The following PTPRU variants were observed in gnomAD, a reference collection of about 807,000 sequenced individuals.
PTPRU encodes the protein receptor-type tyrosine-protein phosphatase U.
A neutral mutation model predicts 166.3 loss-of-function variants in PTPRU; 69 were observed. The ratio of observed to expected loss-of-function variants is 0.41; its 90% confidence interval spans 0.34 to 0.51. The LOEUF (loss-of-function observed/expected upper bound fraction) is 0.51, where lower values mean the gene tolerates loss of function less well. PTPRU is among the 20% of genes least tolerant of loss of function. The pLI is 0.09. For missense variants in PTPRU, 1,657 were observed against 2,013.7 expected (o/e 0.82, Z 3.39); for synonymous variants, 793 against 814.0 (o/e 0.97, Z 0.44).
intron 7 of PTPRU, among the ~76,000 whole-genome samples, chr1:29,262,062 T>G (rs529995475): frequency 6.6e-6 from 1 of 152,350 alleles, no homozygotes; most frequent in East Asian, 1.9e-4. Flanking sequence ...TATATGTGTA[T>G]GTAGTTCTGC....
In PTPRU at chr1:29,280,791, G is replaced by C. The variant is rs761640845; in HGVS notation, c.1868+650G>C. 8.5e-5 allele frequency among the ~76,000 whole-genome samples: 13 copies of C among 152,244 alleles called. No individual in the cohort carries two copies. Among genetic ancestry groups the C allele is most frequent in the Non-Finnish European group, 1.3e-4 (9 of 68,008 alleles). On this transcript the variant is annotated intron_variant, in intron 11 of 29. Coordinates refer to ENST00000373779, the MANE Select transcript of PTPRU (RefSeq NM_133178.4). The surrounding 1 kb of genome is among the most constrained non-coding windows in gnomAD (Gnocchi z 4.2). ...CATAAGTGTGCATGTGTGTGAGAGT[G>C]TGAGGGTGTTTGTGCAACTGTGTGC... is the stretch of plus-strand genomic sequence containing the variant.
intron 1 of PTPRU, among the ~76,000 whole-genome samples, chr1:29,252,966 C>T (rs1463564152): frequency 1.3e-5 from 2 of 152,254 alleles, no homozygotes; most frequent in African/African-American, 2.4e-5. Context: ...CTCCTCCAGA[C>T]ACCAGTCGCA....
At chr1:29,296,858 T>A (rs1285413367) in intron 15 of PTPRU, among the ~76,000 whole-genome samples, 1 of 151,892 alleles carries the variant, frequency 6.6e-6, no homozygotes, top group Admixed American at 6.6e-5. Flanking sequence ...TTTAAAGGAC[T>A]AAACAACTAT....
chr1:29,259,428 G>C (rs758701559), intron 4 of PTPRU, 21 bp from the exon 5 acceptor site: 2 of 1,608,066 alleles, frequency 1.2e-6, no homozygotes, highest in Non-Finnish European at 1.7e-6. Context: ...CCCAGCTCAC[G>C]ATGCAGCTCT....
At chr1:29,247,521 C>G (rs979486962) in intron 1 of PTPRU, among the ~76,000 whole-genome samples, 2 of 152,242 alleles carry the variant, frequency 1.3e-5, no homozygotes, top group Admixed American at 6.5e-5. Context: ...GATCGTCACA[C>G]TGCTCGGGTT....
At chr1:29,276,655 C>T (rs189946362) in intron 8 of PTPRU, among the ~76,000 whole-genome samples, 2 of 152,246 alleles carry the variant, frequency 1.3e-5, no homozygotes, top group African/African-American at 4.8e-5. Context: ...TCCATAGGCT[C>T]TATAGTGATA....
In PTPRU at chr1:29,291,373, G is replaced by T. The variant is rs189870126; in HGVS notation, c.2319-496G>T. Among the ~76,000 whole-genome samples the T allele has an allele frequency of 2.9e-4, 44 of 150,156 alleles. No individual in the cohort carries two copies. The highest frequency in any genetic ancestry group is 6.2e-4 in the South Asian group (3 of 4,824). On this transcript the variant is annotated intron_variant, in intron 14 of 29. Transcript: ENST00000373779. This position sits in a 1 kb window ranked among gnomAD's most constrained non-coding sequence, Gnocchi z 4.1. Reference sequence around the variant, plus strand: ...CTAGACTCTCTGCGGGGAAGGAGGGGTGTAGTCCCTCCTTCCTGCAGGAGA... The same window carrying T: ...CTAGACTCTCTGCGGGGAAGGAGGGTTGTAGTCCCTCCTTCCTGCAGGAGA...
chr1:29,290,421 A>C (rs1686572637), intron 14 of PTPRU, among the ~76,000 whole-genome samples: 1 of 152,224 alleles, frequency 6.6e-6, no homozygotes, highest in Non-Finnish European at 1.5e-5. Flanking sequence ...ACTGGGATAC[A>C]ACCCAGGCCC....
chr1:29,259,638 CCCAGATTGCTGAGTCCCT>C, intron 5 of PTPRU, 74 bp downstream of exon 5: 1 of 1,411,008 alleles, frequency 7.1e-7, no homozygotes, highest in Non-Finnish European at 9.5e-7. Flanking sequence ...CCTGACTCCC[CCCAGATTGCTGAGTCCCT>C]GCTTCATACT....
Position 29,237,558 on chromosome 1 carries a change from C to T in PTPRU, c.73+841C>T, listed in dbSNP as rs1460760204. Among the ~76,000 whole-genome samples the T allele has an allele frequency of 6.6e-6, 1 of 150,728 alleles. No individual in the cohort carries two copies. Among genetic ancestry groups the T allele is most frequent in the Non-Finnish European group, 1.5e-5 (1 of 67,576 alleles). On this transcript the variant is annotated intron_variant, in intron 1 of 29. Coordinates refer to ENST00000373779, the MANE Select transcript of PTPRU (RefSeq NM_133178.4). This position sits in a 1 kb window ranked among gnomAD's most constrained non-coding sequence, Gnocchi z 6.4. The stretch of plus-strand genomic sequence containing the variant: ...AGGGGGCGGTGGCAGGACGTGTGTG[C>T]GCGCGTGTGCGTGTGCGCGTGTGTG...
At chr1:29,248,070 G>A (rs527488541) in intron 1 of PTPRU, among the ~76,000 whole-genome samples, 8 of 152,334 alleles carry the variant, frequency 5.3e-5, no homozygotes, top group African/African-American at 1.9e-4. Context: ...TGGGCAAGGA[G>A]AGTAGCAAGG....
intron 7 of PTPRU, among the ~76,000 whole-genome samples, chr1:29,261,248 G>T (rs1685053537): frequency 6.6e-6 from 1 of 152,144 alleles, no homozygotes; most frequent in South Asian, 2.1e-4. Flanking sequence ...TGGCAGAGAT[G>T]GGATTGGAAC....
chr1:29,315,979 C>G lies in PTPRU; in HGVS notation c.3364-23C>G, dbSNP rs1245617332. On this transcript the variant is annotated intron_variant, in intron 23 of 29. Transcript: ENST00000373779. The surrounding 1 kb of genome is among the most constrained non-coding windows in gnomAD (Gnocchi z 4.5). Reference sequence around the variant, plus strand: ...TCCAGCTTCTAGGCCCCTCCTCGGCCTCATTCTCATCTCCTGTTCCAGGAG... The same window carrying G: ...TCCAGCTTCTAGGCCCCTCCTCGGCGTCATTCTCATCTCCTGTTCCAGGAG... 2 of 1,613,512 alleles carry G rather than the reference C, an allele frequency of 1.2e-6. No individual in the cohort carries two copies. The highest frequency in any genetic ancestry group is 1.7e-6 in the Non-Finnish European group (2 of 1,179,610).
At chr1:29,290,040 C>T (rs899112585) in intron 14 of PTPRU, among the ~76,000 whole-genome samples, 2 of 152,180 alleles carry the variant, frequency 1.3e-5, no homozygotes, top group Non-Finnish European at 2.9e-5. Context: ...TACTGTTCCT[C>T]GTGGTTAGAA....
Position 29,320,296 on chromosome 1 carries a change from G to A in PTPRU, c.3688-389G>A, listed in dbSNP as rs1688094466. On this transcript the variant is annotated intron_variant, in intron 25 of 29. Coordinates refer to ENST00000373779, the MANE Select transcript of PTPRU (RefSeq NM_133178.4). This position sits in a 1 kb window ranked among gnomAD's most constrained non-coding sequence, Gnocchi z 5.2. ...TGATAAGTAAAGACCAGAAGGAAGT[G>A]AGGGAGACAGCCATATAGACATTTG... The A allele has an allele frequency of 5.7e-6, 1 of 174,248 alleles. No individual in the cohort carries two copies. Among genetic ancestry groups the A allele is most frequent in the African/African-American group, 2.4e-5 (1 of 42,438 alleles). The allele number at this position is 174,248 out of a possible 1,614,324, so 10.8% of individuals were successfully genotyped here.
chr1:29,272,234 T>A (rs1417522401), intron 7 of PTPRU, among the ~76,000 whole-genome samples: 1 of 152,134 alleles, frequency 6.6e-6, no homozygotes, highest in Non-Finnish European at 1.5e-5. Context: ...CTAAGTGTGG[T>A]GAATGGGCTT....
At chr1:29,324,795 A>G (rs115652801) in intron 28 of PTPRU, among the ~76,000 whole-genome samples, 1,571 of 148,650 alleles carry the variant, frequency 0.011, 28 homozygotes, top group African/African-American at 0.037. Context: ...CCCGCCCCTT[A>G]CCTCTGGGTC....
chr1:29,316,130 C>T lies in PTPRU; in HGVS notation c.3492C>T (p.Ser1164=). The change falls in exon 24 of 30, where the codon TCC becomes TCT. Residue 1164 remains serine, a synonymous_variant. Coordinates refer to ENST00000373779, the MANE Select transcript of PTPRU (RefSeq NM_133178.4). ...GCATTGATCCTCAGAGTAATTCCTC[C>T]CAGCTGCGGGAAGAGTTCCAGGTGG... The part of the protein sequence containing the change: ...MIRIDPQSNS[S]QLREEFQTLN... 4 of 1,614,110 alleles carry T rather than the reference C, an allele frequency of 2.5e-6. No individual in the cohort carries two copies. In the South Asian group the frequency reaches 3.3e-5, roughly 13 times the overall value.
At chr1:29,244,899 GAA>G (rs914632197) in intron 1 of PTPRU, among the ~76,000 whole-genome samples, 8 of 152,156 alleles carry the variant, frequency 5.3e-5, no homozygotes, top group African/African-American at 1.9e-4. Context: ...TGTGTGCCCA[GAA>G]AAGTTTGTTC....
Sources: allele counts gnomAD v4.1 joint callset (sites outside exome capture counted in the v4.1 genomes callset), GRCh38; gene constraint gnomAD v4.1.1; non-coding constraint Gnocchi (gnomAD v3.1); transcripts MANE v1.5; gene names NCBI Gene and HGNC (gene_info 2026-07-23, HGNC 2026-07-21).